Variants in SLC29A4 observed in about 807,000 individuals in gnomAD.
The protein encoded by SLC29A4 is solute carrier family 29 member 4.
A neutral mutation model predicts 43.9 loss-of-function variants in SLC29A4; 36 were observed. The ratio of observed to expected loss-of-function variants is 0.82; its 90% CI spans 0.63 to 1.08. The LOEUF (loss-of-function observed/expected upper bound fraction) is 1.08. Ranked by LOEUF, SLC29A4 falls within the 50% of genes least tolerant of loss-of-function variation. The pLI is 0.00. For missense variants in SLC29A4, 869 were observed against 755.3 expected, an observed-to-expected ratio of 1.15 and a Z score of -1.77; for synonymous variants, 491 against 338.0, an observed-to-expected ratio of 1.45 and a Z score of -4.97.
intron 4 of SLC29A4, 90 bp downstream of exon 4, chr7:5,291,327 C>A: frequency 8.2e-7 from 1 of 1,223,460 alleles, no homozygotes; most frequent in African/African-American, 1.5e-5. Flanking sequence ...CTGAGCCTCA[C>A]TCCCCTCGTC....
intron 5 of SLC29A4, among the ~76,000 whole-genome samples, chr7:5,293,773 G>A (rs1785464726): frequency 6.6e-6 from 1 of 152,056 alleles, no homozygotes. Flanking sequence ...CCACATAGCT[G>A]GGATTACAGG....
chr7:5,299,507 G>T, intron 9 of SLC29A4, 80 bp downstream of exon 9: 5 of 1,439,092 alleles, frequency 3.5e-6, no homozygotes, highest in Non-Finnish European at 4.7e-6. Context: ...ATCCGGGAAG[G>T]GTTCTGAGTG....
chr7:5,302,846 C>G lies in SLC29A4; in HGVS notation c.1500C>G (p.Ala500=). 1.3e-6 allele frequency: 2 copies of G among 1,589,316 alleles called. No individual in the cohort carries two copies. Among genetic ancestry groups the G allele is most frequent in the Non-Finnish European group, 1.7e-6 (2 of 1,168,280 alleles). The change falls in exon 11 of 11, where the codon GCC becomes GCG. Residue 500 remains alanine, a synonymous_variant. Transcript: ENST00000396872. ...SYMSGLTLGS[A]VAYCTYSLTR... ...TGTCAGGGCTGACGCTGGGGTCCGC[C>G]GTGGCCTACTGCACCTACAGCCTCA...
intron 7 of SLC29A4, among the ~76,000 whole-genome samples, chr7:5,297,744 A>G (rs2128091054): frequency 6.6e-6 from 1 of 152,270 alleles, no homozygotes; most frequent in East Asian, 1.9e-4. Context: ...AATTTCCCAC[A>G]GAAGTCGCCA....
intron 1 of SLC29A4, among the ~76,000 whole-genome samples, chr7:5,286,415 C>G (rs960099250): frequency 3.3e-5 from 5 of 149,522 alleles, no homozygotes; most frequent in Admixed American, 2.7e-4. Flanking sequence ...CCCAGCTACT[C>G]GGGAGGCTGA....
chr7:5,294,840 T>TA lies in SLC29A4; in HGVS notation c.545-20_545-19insA. ...GGTGATAATGGTGCCTCTGGGTTGTTCCTCTCTCTCTCTCTTAAGTGCAGC... is the reference window on the plus strand; with the variant it reads ...GGTGATAATGGTGCCTCTGGGTTGTTACCTCTCTCTCTCTCTTAAGTGCAGC... On this transcript the variant is annotated intron_variant, in intron 5 of 10. Transcript: ENST00000396872. 5 of 1,547,092 alleles carry TA rather than the reference T, an allele frequency of 3.2e-6. No individual in the cohort carries two copies. In the South Asian group the frequency reaches 5.7e-5, roughly 18 times the overall value.
rs143610716 is a variant in SLC29A4 at position 5,297,338 on chromosome 7, C to T, written c.882+140C>T. On this transcript the variant is annotated intron_variant, in intron 7 of 10. Transcript: ENST00000396872. ...CTCCTGTGGTGGAGACTCCTTCCTGCCAGCCTCCTTTATTCTGTGTACTCT... is the reference window on the plus strand; with the variant it reads ...CTCCTGTGGTGGAGACTCCTTCCTGTCAGCCTCCTTTATTCTGTGTACTCT... 6,262 of 1,015,080 alleles carry T rather than the reference C, an allele frequency of 6.2e-3. 23 individuals carry two copies. Among genetic ancestry groups the T allele is most frequent in the Non-Finnish European group, 7.2e-3 (5,249 of 725,798 alleles). The allele number at this position is 1,015,080 out of a possible 1,614,324, so 62.9% of individuals were successfully genotyped here. A position where few individuals can be genotyped will look rare whatever the true frequency, so the allele number is the denominator to read the frequency against.
At position 5,303,097 on chromosome 7, in the gene SLC29A4, G is replaced by A; in HGVS notation, c.*158G>A. The A allele has an allele frequency of 1.1e-6, 1 of 882,630 alleles. No individual in the cohort carries two copies. Among genetic ancestry groups the A allele is most frequent in the Non-Finnish European group, 1.7e-6 (1 of 589,786 alleles). The allele number at this position is 882,630 out of a possible 1,614,324, so 54.7% of individuals were successfully genotyped here. ...CAGGGTCCAGCCATGCCCCACCCTG[G>A]ACTGAAGTTCTGCAAAGTCCTCCGA... On this transcript the variant is annotated 3_prime_UTR_variant, in exon 11 of 11. Transcript: ENST00000396872.
chr7:5,286,603 C>T (rs1784968175), intron 1 of SLC29A4, among the ~76,000 whole-genome samples: 1 of 152,122 alleles, frequency 6.6e-6, no homozygotes, highest in South Asian at 2.1e-4. Flanking sequence ...GCTGCCCACA[C>T]AGTGCAAGCG....
chr7:5,294,536 C>A (rs1785519168), intron 5 of SLC29A4, among the ~76,000 whole-genome samples: 1 of 152,142 alleles, frequency 6.6e-6, no homozygotes, highest in African/African-American at 2.4e-5. Context: ...GTCCTCTCCC[C>A]ACCCCGTAAC....
At chr7:5,284,167 T>G (rs1784826224) in intron 1 of SLC29A4, among the ~76,000 whole-genome samples, 1 of 152,074 alleles carries the variant, frequency 6.6e-6, no homozygotes, top group Admixed American at 6.6e-5. Context: ...AGGGATCACC[T>G]GAGGCCAGGA....
intron 5 of SLC29A4, among the ~76,000 whole-genome samples, chr7:5,292,212 G>T (rs1428619776): frequency 6.6e-6 from 1 of 152,116 alleles, no homozygotes; most frequent in Non-Finnish European, 1.5e-5. Flanking sequence ...CTGGACTCAA[G>T]CCATCCTCCC....
At position 5,306,566 on chromosome 7, in the gene SLC29A4, T is replaced by G. The variant is rs1583696068; in HGVS notation, c.*3627T>G. 1 of 152,204 alleles carries G rather than the reference T, an allele frequency of 6.6e-6. No individual in the cohort carries two copies. Among genetic ancestry groups the G allele is most frequent in the East Asian group, 1.9e-4 (1 of 5,168 alleles). The allele number at this position is 152,204 out of a possible 1,614,324, so 9.4% of individuals were successfully genotyped here. A position where few individuals can be genotyped will look rare whatever the true frequency, so the allele number is the denominator to read the frequency against. The stretch of plus-strand genomic sequence containing the variant: ...CCAGGCTGGTCTCGAACTCCTGACT[T>G]CAAGTGATCCGCCTGCCTTGGCCTC... On this transcript the variant is annotated 3_prime_UTR_variant, in exon 11 of 11. Transcript: ENST00000396872.
In SLC29A4 at chr7:5,287,692, C is replaced by T. The variant is rs766488482; in HGVS notation, c.-8-117C>T. On this transcript the variant is annotated intron_variant, in intron 1 of 10. Transcript: ENST00000396872. Reference sequence around the variant, plus strand: ...GTGAGGCATAGCTTGCTTTGGCCAACGAGTGTGACCAAAGTGACATGTGTC... The same window carrying T: ...GTGAGGCATAGCTTGCTTTGGCCAATGAGTGTGACCAAAGTGACATGTGTC... The T allele has an allele frequency of 6.4e-4, 685 of 1,068,460 alleles. 1 individual carries two copies. Among genetic ancestry groups the T allele is most frequent in the Non-Finnish European group, 8.4e-4 (635 of 752,100 alleles). The allele number at this position is 1,068,460 out of a possible 1,614,324, so 66.2% of individuals were successfully genotyped here. A position where few individuals can be genotyped will look rare whatever the true frequency, so the allele number is the denominator to read the frequency against.
At chr7:5,292,558 C>G (rs753801255) in intron 5 of SLC29A4, among the ~76,000 whole-genome samples, 1 of 152,008 alleles carries the variant, frequency 6.6e-6, no homozygotes, top group African/African-American at 2.4e-5. Context: ...AAATTTCTCC[C>G]TAAGTATATA....
At chr7:5,285,493 C>A (rs1293744659) in intron 1 of SLC29A4, among the ~76,000 whole-genome samples, 2 of 152,236 alleles carry the variant, frequency 1.3e-5, no homozygotes. Flanking sequence ...AAGGCTCTGG[C>A]TTCAAAGCCC....
At chr7:5,285,901 T>G (rs1784913908) in intron 1 of SLC29A4, among the ~76,000 whole-genome samples, 1 of 152,130 alleles carries the variant, frequency 6.6e-6, no homozygotes, top group African/African-American at 2.4e-5. Context: ...TTCCAGCTAC[T>G]TAAGAGACTG....
At chr7:5,283,261 C>G (rs1784759784) in intron 1 of SLC29A4, among the ~76,000 whole-genome samples, 179 bp downstream of exon 1, 1 of 151,574 alleles carries the variant, frequency 6.6e-6, no homozygotes, top group East Asian at 2.0e-4. Flanking sequence ...CGGCCCAGCC[C>G]CCCGCGCCCG....
chr7:5,288,711 G>C (rs1346293710), intron 2 of SLC29A4, among the ~76,000 whole-genome samples: 1 of 152,170 alleles, frequency 6.6e-6, no homozygotes, highest in Non-Finnish European at 1.5e-5. Context: ...GACTGGATGT[G>C]AGGTTCAAAG....
Sources: allele counts gnomAD v4.1 joint callset (sites outside exome capture counted in the v4.1 genomes callset), GRCh38; gene constraint gnomAD v4.1.1; transcripts MANE v1.5; gene names NCBI Gene and HGNC (gene_info 2026-07-23, HGNC 2026-07-21).